The following POLR2F variants were observed in gnomAD, a reference collection of about 807,000 sequenced individuals.
POLR2F encodes the protein DNA-directed RNA polymerases I, II, and III subunit RPABC2.
POLR2F carries 12 observed loss-of-function variants against 22.7 expected under a neutral mutation model. That is an observed-to-expected ratio of 0.53 (90% CI 0.34 to 0.86). POLR2F has a LOEUF of 0.86. POLR2F is among the 40% of genes least tolerant of loss of function. The pLI is 0.02. For missense variants in POLR2F, 126 were observed against 171.5 expected (o/e 0.73, Z 1.48); for synonymous variants, 57 against 66.0 (o/e 0.86, Z 0.66).
intron 1 of POLR2F, among the ~76,000 whole-genome samples, chr22:38,013,262 C>T (rs765968858): frequency 1.3e-5 from 2 of 152,354 alleles, no homozygotes; most frequent in East Asian, 1.9e-4. Flanking sequence ...TCTACTGCCT[C>T]AGCTTCCTGA....
chr22:37,960,936 C>G (rs1347071115), intron 3 of POLR2F, among the ~76,000 whole-genome samples: 1 of 150,802 alleles, frequency 6.6e-6, no homozygotes, highest in Non-Finnish European at 1.5e-5. Flanking sequence ...GCAATATCCA[C>G]CTCCTAGGAT....
chr22:38,026,138 C>G lies in POLR2F; in HGVS notation c.392C>G (p.Ser131Ter), dbSNP rs2085007583. Residue 131 changes from serine to a stop codon, truncating the protein, a stop_gained, in exon 2 of 3, where the codon TCA (serine) becomes TGA (stop). Transcript: ENST00000333418. LOFTEE classifies it low-confidence loss of function (END_TRUNC). ...CCCACTGCCCCAGAAGGCTGGCCTTCAGATGCCTGGTAGGCGGGCACCAGG... is the reference window on the plus strand; with the variant it reads ...CCCACTGCCCCAGAAGGCTGGCCTTGAGATGCCTGGTAGGCGGGCACCAGG... 1.9e-6 allele frequency: 1 copy of G among 533,476 alleles called. No individual in the cohort carries two copies. The highest frequency in any genetic ancestry group is 1.9e-5 in the African/African-American group (1 of 51,978). The allele number at this position is 533,476 out of a possible 1,614,324, so 33.0% of individuals were successfully genotyped here. A position where few individuals can be genotyped will look rare whatever the true frequency, so the allele number is the denominator to read the frequency against.
upstream of POLR2F, chr22:37,983,841 G>C: frequency 7.5e-7 from 1 of 1,331,198 alleles, no homozygotes; most frequent in Non-Finnish European, 9.6e-7. This position sits in a 1 kb window ranked among gnomAD's most constrained non-coding sequence, Gnocchi z 9.5. Context: ...CCAGCCGCCG[G>C]GGTCCTCGCA....
In POLR2F at chr22:37,959,225, C is replaced by T. The variant is rs1931524813; in HGVS notation, c.91-121C>T. 1.6e-5 allele frequency: 15 copies of T among 942,764 alleles called. No individual in the cohort carries two copies. In the South Asian group the frequency reaches 2.0e-4, roughly 13 times the overall value. The allele number at this position is 942,764 out of a possible 1,614,324, so 58.4% of individuals were successfully genotyped here. On this transcript the variant is annotated intron_variant, in intron 2 of 4. Coordinates refer to ENST00000442738, the MANE Select transcript of POLR2F (RefSeq NM_021974.5). ...TGTTAGGAAGCAGTTATGTGGTCCC[C>T]TGGCATGCAGTAAGCATTAACGGTG...
rs2085165722 is a variant in POLR2F at position 38,040,895 on chromosome 22, A to G, written c.453-173A>G. The G allele has an allele frequency of 1.1e-5, 11 of 959,160 alleles. No individual in the cohort carries two copies. In the South Asian group the frequency reaches 1.5e-4, roughly 13 times the overall value. 59.4% of individuals were successfully genotyped at this position (959,160 alleles called of 1,614,324 possible). A position where few individuals can be genotyped will look rare whatever the true frequency, so the allele number is the denominator to read the frequency against. ...AACGTGTGGAGGATGTGCCAAGGGG[A>G]ACATGGGGGCAAGGACCCTGGACAG... On this transcript the variant is annotated intron_variant, in intron 5 of 5. Transcript: ENST00000407936.
At chr22:37,977,636 A>G (rs1375757068) in intron 4 of POLR2F, among the ~76,000 whole-genome samples, 1 of 151,998 alleles carries the variant, frequency 6.6e-6, no homozygotes, top group Non-Finnish European at 1.5e-5. Context: ...ACAGTCTTTA[A>G]CTGGCCCTCT....
intron 1 of POLR2F, chr22:38,025,537 G>C (rs764186282): frequency 7.0e-7 from 1 of 1,435,836 alleles, no homozygotes; most frequent in Non-Finnish European, 9.2e-7. Flanking sequence ...CGTCCCCCTC[G>C]TTTGCCTGTC....
chr22:38,037,272 T>TGTTAC (rs1390523432), intron 5 of POLR2F, among the ~76,000 whole-genome samples: 3 of 151,850 alleles, frequency 2.0e-5, no homozygotes, highest in Non-Finnish European at 4.4e-5. Context: ...TGTTATGTTA[T>TGTTAC]GTTATGTCAT....
In POLR2F at chr22:38,031,778, C is replaced by T. The variant is rs2085068441; in HGVS notation, c.453-9290C>T. Reference sequence around the variant, plus strand: ...CCCCAGACCAACCCCTCCCCGCTTCCCTGCCCCATCAACGGCCCCACTGTT... The same window carrying T: ...CCCCAGACCAACCCCTCCCCGCTTCTCTGCCCCATCAACGGCCCCACTGTT... On this transcript the variant is annotated intron_variant, in intron 5 of 5. Coordinates refer to the POLR2F transcript ENST00000407936. The surrounding 1 kb of genome is among the most constrained non-coding windows in gnomAD (Gnocchi z 4.1). Among the ~76,000 whole-genome samples the T allele has an allele frequency of 1.3e-5, 2 of 152,284 alleles. 1 individual carries two copies. The highest frequency in any genetic ancestry group is 6.8e-3 in the Middle Eastern group (2 of 294).
At chr22:38,030,768 G>A (rs529788870), downstream of POLR2F, among the ~76,000 whole-genome samples, 1 of 152,124 alleles carries the variant, frequency 6.6e-6, no homozygotes. Context: ...AAGAGGTCAT[G>A]CAGTGGGGAG....
rs751912823 is a variant in POLR2F, at chr22:37,953,765, G to A, written c.-23G>A. The A allele has an allele frequency of 1.9e-6, 3 of 1,606,354 alleles. No homozygotes were observed. The highest frequency in any genetic ancestry group is 1.7e-5 in the Admixed American group (1 of 58,760). On this transcript the variant is annotated 5_prime_UTR_variant, in exon 1 of 5. Transcript: ENST00000442738. ...TCTCCGCGCGGGACCGGGGCGCAGC[G>A]GGGTCGCTGAGGCGAGGGTGTCATG... is the stretch of plus-strand genomic sequence containing the variant.
chr22:37,956,093 CG>C (rs971098218), intron 1 of POLR2F, among the ~76,000 whole-genome samples: 4 of 149,814 alleles, frequency 2.7e-5, no homozygotes, highest in Admixed American at 6.6e-5. Flanking sequence ...TTTGCGGTGG[CG>C]GGGGGGGGTT....
chr22:37,973,985 T>C (rs371513888), downstream of POLR2F: 110 of 1,612,756 alleles, frequency 6.8e-5, no homozygotes, highest in African/African-American at 1.1e-3. Flanking sequence ...TGGGTGCCCA[T>C]TGGGCGGCAG....
At chr22:38,025,514 CA>C in intron 1 of POLR2F, 1 of 1,427,026 alleles carries the variant, frequency 7.0e-7, no homozygotes, top group Non-Finnish European at 9.2e-7. Flanking sequence ...CCAACATTCA[CA>C]AATTCCCTGA....
upstream of POLR2F, chr22:37,983,527 C>G (rs150851799): frequency 1.2e-6 from 2 of 1,610,100 alleles, no homozygotes; most frequent in Admixed American, 1.7e-5. The surrounding 1 kb of genome is among the most constrained non-coding windows in gnomAD (Gnocchi z 9.5). Context: ...TGGGCACCAG[C>G]GTCCAGTCGT....
At chr22:37,964,306 T>G (rs192506179) in intron 3 of POLR2F, among the ~76,000 whole-genome samples, 137 of 151,256 alleles carry the variant, frequency 9.1e-4, no homozygotes, top group African/African-American at 2.9e-3. Flanking sequence ...GTAAAGAGAG[T>G]TGGTTTTGTG....
chr22:38,035,486 C>T (rs1027778019), intron 5 of POLR2F, among the ~76,000 whole-genome samples: 4 of 152,188 alleles, frequency 2.6e-5, no homozygotes, highest in Non-Finnish European at 5.9e-5. Context: ...GGGGGCCTGG[C>T]AGGAGCACGT....
upstream of POLR2F, among the ~76,000 whole-genome samples, chr22:37,981,402 C>T (rs930150529): frequency 2.0e-5 from 3 of 152,224 alleles, no homozygotes; most frequent in African/African-American, 7.2e-5. Flanking sequence ...ATTGGGTCCT[C>T]AGCAAGTAGT....
At chr22:38,040,838 C>T (rs1002917025) in intron 5 of POLR2F, 8 of 603,100 alleles carry the variant, frequency 1.3e-5, no homozygotes, top group Admixed American at 2.9e-5. Flanking sequence ...GTCCTGCACA[C>T]GGTCAGCGCT....
Sources: gnomAD v4.1 joint callset for allele counts (sites outside exome capture counted in the v4.1 genomes callset) on GRCh38, gnomAD v4.1.1 for gene constraint, Gnocchi (gnomAD v3.1) non-coding constraint, MANE v1.5 for transcripts, NCBI Gene and HGNC (gene_info 2026-07-23, HGNC 2026-07-21) for gene names.